Variants in SOX5 observed in about 807,000 individuals in gnomAD.
SOX5 encodes SRY-box transcription factor 5, also known as transcription factor SOX-5.
SOX5 carries 9 observed loss-of-function variants against 92.0 expected under a neutral mutation model. The observed-to-expected ratio is 0.10, with a 90% CI of 0.06 to 0.17. The LOEUF (loss-of-function observed/expected upper bound fraction) is 0.17. Among genes scored for constraint, SOX5 ranks in the 10% least tolerant of loss-of-function variants. The pLI is 1.00. For synonymous variants in SOX5, 344 were observed against 336.3 expected, an observed-to-expected ratio of 1.02 and a Z score of -0.25; for missense variants, 642 against 944.5, an observed-to-expected ratio of 0.68 and a Z score of 4.20.
chr12:24,354,678 G>T (rs971283483), intron 2 of SOX5, among the ~76,000 whole-genome samples: 5 of 152,136 alleles, frequency 3.3e-5, no homozygotes, highest in Admixed American at 1.3e-4. Flanking sequence ...ATCAACCCAG[G>T]ATATCAAAGA....
At chr12:24,509,644 A>C (rs1402629335) in intron 1 of SOX5, among the ~76,000 whole-genome samples, 1 of 152,224 alleles carries the variant, frequency 6.6e-6, no homozygotes, top group Non-Finnish European at 1.5e-5. Context: ...TGAACCTCCT[A>C]AGCCATGGGA....
chr12:24,462,470 C>T (rs183778456), intron 1 of SOX5, among the ~76,000 whole-genome samples: 194 of 152,268 alleles, frequency 1.3e-3, no homozygotes, highest in African/African-American at 4.4e-3. Context: ...TTTATTGTTA[C>T]TCTTTCAGGC....
chr12:23,649,389 T>C (rs1409215519), intron 7 of SOX5, among the ~76,000 whole-genome samples: 1 of 152,124 alleles, frequency 6.6e-6, no homozygotes, highest in Non-Finnish European at 1.5e-5. Flanking sequence ...AAATACCTCA[T>C]GAGATTCATA....
At chr12:23,863,178 C>T (rs1196222746) in intron 2 of SOX5, among the ~76,000 whole-genome samples, 2 of 152,112 alleles carry the variant, frequency 1.3e-5, no homozygotes, top group African/African-American at 2.4e-5. Context: ...TTTTCCATGG[C>T]AATATTGTAT....
At chr12:23,917,029 A>G (rs929631820) in intron 1 of SOX5, among the ~76,000 whole-genome samples, 1 of 152,190 alleles carries the variant, frequency 6.6e-6, no homozygotes, top group Admixed American at 6.5e-5. Flanking sequence ...TATTTATATT[A>G]TGTGGTTTTA....
At chr12:23,832,954 A>C (rs539865876) in intron 3 of SOX5, among the ~76,000 whole-genome samples, 1 of 152,102 alleles carries the variant, frequency 6.6e-6, no homozygotes, top group South Asian at 2.1e-4. Context: ...TAGATGTTAA[A>C]CTATAATCAC....
chr12:24,518,883 T>C (rs1950025844), intron 1 of SOX5, among the ~76,000 whole-genome samples: 2 of 152,214 alleles, frequency 1.3e-5, no homozygotes, highest in African/African-American at 4.8e-5. Flanking sequence ...TGTATTAATA[T>C]TTAGGAAACA....
chr12:23,938,594 C>T (rs1424852449), intron 1 of SOX5, among the ~76,000 whole-genome samples: 4 of 150,926 alleles, frequency 2.7e-5, no homozygotes, highest in Non-Finnish European at 6.0e-5. Context: ...TTAATTTGTG[C>T]ATCTTAAAGC....
chr12:24,022,097 C>A (rs1954359890), intron 4 of SOX5, among the ~76,000 whole-genome samples: 1 of 152,116 alleles, frequency 6.6e-6, no homozygotes, highest in Non-Finnish European at 1.5e-5. Context: ...CTGACATGGT[C>A]TTTACAGTTC....
intron 4 of SOX5, among the ~76,000 whole-genome samples, chr12:24,118,756 CAAG>C (rs1948325520): frequency 6.6e-6 from 1 of 152,054 alleles, no homozygotes; most frequent in Non-Finnish European, 1.5e-5. Context: ...TTTACTGTGT[CAAG>C]AAGAATAACA....
intron 2 of SOX5, among the ~76,000 whole-genome samples, chr12:23,868,842 G>A (rs758232966): frequency 1.3e-5 from 2 of 151,998 alleles, no homozygotes; most frequent in Non-Finnish European, 2.9e-5. Context: ...AATAAATTGA[G>A]TTCATGAGAT....
intron 4 of SOX5, among the ~76,000 whole-genome samples, chr12:24,204,845 A>G (rs961131896): frequency 1.1e-4 from 17 of 151,788 alleles, no homozygotes; most frequent in African/African-American, 3.9e-4. Context: ...GATGCTGAGC[A>G]GCATGTGAAT....
chr12:24,112,506 A>G, intron 4 of SOX5, among the ~76,000 whole-genome samples: 1 of 149,648 alleles, frequency 6.7e-6, no homozygotes, highest in South Asian at 2.1e-4. Flanking sequence ...GGGATACAGA[A>G]CAACTTCAAG....
chr12:24,094,055 T>C (rs2137827062), intron 4 of SOX5, among the ~76,000 whole-genome samples: 2 of 152,260 alleles, frequency 1.3e-5, no homozygotes, highest in South Asian at 4.1e-4. Context: ...CAAGCGATTC[T>C]CCCGCCTCAG....
chr12:24,337,086 A>G (rs1225467307), intron 2 of SOX5, among the ~76,000 whole-genome samples: 1 of 152,206 alleles, frequency 6.6e-6, no homozygotes, highest in African/African-American at 2.4e-5. Context: ...GGTGGCAAGG[A>G]GACCGTCAAA....
chr12:24,230,336 C>T (rs1274774821), intron 3 of SOX5, among the ~76,000 whole-genome samples: 1 of 152,006 alleles, frequency 6.6e-6, no homozygotes, highest in Non-Finnish European at 1.5e-5. Flanking sequence ...ACAATGATGG[C>T]AGAAATGAAA....
Position 24,376,689 on chromosome 12 carries a change from C to CTTTTTTTTTTTTTTTT in SOX5, c.-250-8051_-250-8050insAAAAAAAAAAAAAAAA. On this transcript the variant is annotated intron_variant, in intron 1 of 4. Coordinates refer to the SOX5 transcript ENST00000446891. ...TCAGAATGATGCTATGGGAGAGATA[C>CTTTTTTTTTTTTTTTT]CTTTTTTTTTTTTTTTTTTTTTTTT... Among the ~76,000 whole-genome samples, 2 of 93,084 alleles carry CTTTTTTTTTTTTTTTT rather than the reference C, an allele frequency of 2.1e-5. 1 individual carries two copies. The highest frequency in any genetic ancestry group is 4.2e-5 in the Non-Finnish European group (2 of 48,070). The allele number at this position is 93,084 out of a possible 152,430, so 61.1% of individuals were successfully genotyped here.
intron 2 of SOX5, among the ~76,000 whole-genome samples, chr12:23,854,741 T>C (rs957901310): frequency 6.6e-6 from 1 of 152,124 alleles, no homozygotes; most frequent in Non-Finnish European, 1.5e-5. Flanking sequence ...GGTTCCATCA[T>C]TCACCAGTTG....
intron 3 of SOX5, among the ~76,000 whole-genome samples, chr12:24,214,576 TTA>T (rs1479779603): frequency 6.6e-6 from 1 of 152,134 alleles, no homozygotes; most frequent in Non-Finnish European, 1.5e-5. Context: ...CATTTATTAA[TTA>T]TATGTGGGAT....
Sources: allele counts gnomAD v4.1 joint callset (sites outside exome capture counted in the v4.1 genomes callset), GRCh38; gene constraint gnomAD v4.1.1; transcripts MANE v1.5; gene names NCBI Gene and HGNC (gene_info 2026-07-23, HGNC 2026-07-21).